Variants in CRAT observed in about 807,000 individuals in gnomAD.
The protein encoded by CRAT is carnitine O-acetyltransferase.
In CRAT, 66 loss-of-function variants were observed where a neutral mutation model predicts 73.7. The observed-to-expected ratio is 0.90, with a 90% CI of 0.73 to 1.10. The LOEUF (loss-of-function observed/expected upper bound fraction) is 1.10, where lower values mean the gene tolerates loss of function less well. Among genes scored for constraint, CRAT ranks in the 50% least tolerant of loss-of-function variants. The probability of loss-of-function intolerance (pLI) is 0.00; values close to 1 mark genes in which losing one functional copy is unlikely to be tolerated. For missense variants in CRAT, 745 were observed against 846.9 expected, an observed-to-expected ratio of 0.88 and a Z score of 1.49; for synonymous variants, 321 against 343.2, an observed-to-expected ratio of 0.94 and a Z score of 0.71.
intron 1 of CRAT, among the ~76,000 whole-genome samples, chr9:129,109,743 G>C (rs1185283637): frequency 6.6e-6 from 1 of 152,170 alleles, no homozygotes; most frequent in African/African-American, 2.4e-5. Flanking sequence ...TGGCCCCGTA[G>C]TGTGTGTCTG....
In CRAT at chr9:129,100,438, G is replaced by A. The variant is rs545911718; in HGVS notation, c.984+73C>T. On this transcript the variant is annotated intron_variant, in intron 7 of 13. Transcript: ENST00000318080. ...AGGCTGGGGACGCAGGGCCGGGGAC[G>A]GGCAGGAAGTCCCGAGGCTGCAGAG... 6.5e-4 allele frequency: 974 copies of A among 1,496,496 alleles called. 13 individuals carry two copies. In the East Asian group the frequency reaches 0.017, roughly 27 times the overall value. The allele number at this position is 1,496,496 out of a possible 1,614,324, so 92.7% of individuals were successfully genotyped here.
At chr9:129,099,565 T>C (rs556598976) in intron 8 of CRAT, among the ~76,000 whole-genome samples, 1 of 151,722 alleles carries the variant, frequency 6.6e-6, no homozygotes, top group South Asian at 2.1e-4. Context: ...TAACTGGGAT[T>C]ATAGGCATGT....
intron 11 of CRAT, chr9:129,097,762 C>T: frequency 1.9e-6 from 1 of 520,196 alleles, no homozygotes; most frequent in Non-Finnish European, 3.4e-6. Flanking sequence ...CTCCTTGGTC[C>T]TCAGCCAGGG....
chr9:129,108,783 C>T (rs1243576718), intron 1 of CRAT: 1 of 1,304,294 alleles, frequency 7.7e-7, no homozygotes, highest in South Asian at 1.2e-5. Context: ...TGCTGCCCGT[C>T]CTCCTCCATG....
In CRAT at chr9:129,100,664, G is replaced by A. The variant is rs1379615691; in HGVS notation, c.831C>T (p.Arg277=). Residue 277 remains arginine, a synonymous_variant, in exon 7 of 14, where the codon CGC becomes CGT. Coordinates refer to ENST00000318080, the MANE Select transcript of CRAT (RefSeq NM_000755.5). ...IKDKVNRDSV[R]SIQKSIFTVC... Reference sequence around the variant, plus strand: ...CGGTGAAGATGCTCTTCTGGATGGAGCGCACGGAATCCCGGTTCACCTTGT... The same window carrying A: ...CGGTGAAGATGCTCTTCTGGATGGAACGCACGGAATCCCGGTTCACCTTGT... 6.2e-7 allele frequency: 1 copy of A among 1,613,856 alleles called. No individual in the cohort carries two copies. Among genetic ancestry groups the A allele is most frequent in the South Asian group, 1.1e-5 (1 of 91,070 alleles).
intron 7 of CRAT, 39 bp downstream of exon 7, chr9:129,100,472 C>G (rs761495641): frequency 6.3e-7 from 1 of 1,589,928 alleles, no homozygotes; most frequent in Non-Finnish European, 8.6e-7. Context: ...AGGTCCTGTT[C>G]AGGTGTGTGT....
At chr9:129,108,868 G>A (rs1248729601) in intron 1 of CRAT, 2 of 1,302,832 alleles carry the variant, frequency 1.5e-6, no homozygotes, top group African/African-American at 3.0e-5. Flanking sequence ...CAAAGTGAGT[G>A]AGCAGAACCT....
chr9:129,104,462 C>G (rs994319986), intron 2 of CRAT, among the ~76,000 whole-genome samples, 156 bp from the exon 3 acceptor site: 2 of 152,188 alleles, frequency 1.3e-5, no homozygotes, highest in Non-Finnish European at 2.9e-5. Flanking sequence ...CTCCCTGCCC[C>G]ACAACTTAAA....
intron 6 of CRAT, among the ~76,000 whole-genome samples, chr9:129,101,461 C>G (rs1024015163): frequency 6.6e-6 from 1 of 152,250 alleles, no homozygotes; most frequent in Non-Finnish European, 1.5e-5. Flanking sequence ...GAGAAAGACA[C>G]TCCTTTGAAA....
chr9:129,105,320 C>A (rs1847950828), intron 2 of CRAT, among the ~76,000 whole-genome samples: 2 of 152,090 alleles, frequency 1.3e-5, no homozygotes, highest in African/African-American at 2.4e-5. Flanking sequence ...AAAACAAAGT[C>A]CAATGAGTGA....
At chr9:129,096,763 T>C (rs1021047791) in intron 12 of CRAT, among the ~76,000 whole-genome samples, 4 of 152,208 alleles carry the variant, frequency 2.6e-5, no homozygotes, top group Admixed American at 1.3e-4. Context: ...GCTGGGTTTC[T>C]CCAACTTTAA....
At position 129,102,329 on chromosome 9, in the gene CRAT, C is replaced by A. The variant is rs1847725726; in HGVS notation, c.630+71G>T. ...GTGCTGGGGAACCCCAGTGGGGAAG[C>A]CGACTGCGGCCGTCCGGCTGTACTC... On this transcript the variant is annotated intron_variant, in intron 5 of 13. Transcript: ENST00000318080. 4.4e-6 allele frequency: 7 copies of A among 1,589,916 alleles called. 1 individual carries two copies. Among genetic ancestry groups the A allele is most frequent in the Middle Eastern group, 1.8e-4 (1 of 5,558 alleles).
Position 129,098,085 on chromosome 9 carries a change from G to A in CRAT, c.1392C>T (p.Arg464=). The A allele has an allele frequency of 1.9e-6, 3 of 1,614,090 alleles. No individual in the cohort carries two copies. Among genetic ancestry groups the A allele is most frequent in the Non-Finnish European group, 1.7e-6 (2 of 1,180,044 alleles). ...TGGAAGCCGAGCGGATGGTGTCGGT[G>A]CGGCCCAGGTGAAACATGCGCAGGG... ...SASLRMFHLG[R]TDTIRSASMD... is the part of the protein sequence containing the mutation. The change falls in exon 11 of 14, where the codon CGC becomes CGT. Residue 464 remains arginine, a synonymous_variant. Coordinates refer to ENST00000318080, the MANE Select transcript of CRAT (RefSeq NM_000755.5).
In CRAT at chr9:129,095,501, T is replaced by C. The variant is rs1847222519; in HGVS notation, c.1777A>G (p.Asn593Asp). The C allele has an allele frequency of 1.9e-6, 3 of 1,613,540 alleles. No individual in the cohort carries two copies. Among genetic ancestry groups the C allele is most frequent in the Admixed American group, 1.7e-5 (1 of 60,018 alleles). The change falls in exon 14 of 14, where the codon AAC becomes GAC. Residue 593 changes from asparagine to aspartate, a missense_variant. Transcript: ENST00000318080. The part of the protein sequence containing the change: ...AHINFSLSAY[N>D]SCAETNAARL... Reference sequence around the variant, plus strand: ...GCGGCGTTGGTCTCCGCGCAGCTGTTGTAGGCCGACAGGGAGAAGTTGATG... The same window carrying C: ...GCGGCGTTGGTCTCCGCGCAGCTGTCGTAGGCCGACAGGGAGAAGTTGATG...
chr9:129,102,491 CAGGAGGACAAGATCTGA>C lies in CRAT; in HGVS notation c.522_538del (p.Tyr174Ter). On this transcript the variant is annotated stop_gained and frameshift_variant, in exon 5 of 14. Transcript: ENST00000318080. LOFTEE classifies it high-confidence loss of function. ...GTCCTGCTTGGGGCCCGGCACTCGGCAGGAGGACAAGATCTGATAGTACTGGTTCATGCACAGTGGCT... is the reference window on the plus strand; with the variant it reads ...GTCCTGCTTGGGGCCCGGCACTCGGCTAGTACTGGTTCATGCACAGTGGCT... The C allele has an allele frequency of 6.2e-7, 1 of 1,614,140 alleles. No homozygotes were observed. The highest frequency in any genetic ancestry group is 1.1e-5 in the South Asian group (1 of 91,086).
rs746169965 is a variant in CRAT at position 129,107,704 on chromosome 9, T to C, written c.291+110A>G. ...TGCCAAGTGCCAGACACAGAGTATG[T>C]GCTCACGAAACTCTGGGCAGCAAAC... is the stretch of plus-strand genomic sequence containing the variant. On this transcript the variant is annotated intron_variant, in intron 2 of 13. Coordinates refer to ENST00000318080, the MANE Select transcript of CRAT (RefSeq NM_000755.5). The surrounding 1 kb of genome is among the most constrained non-coding windows in gnomAD (Gnocchi z 5.0). 1.3e-6 allele frequency: 2 copies of C among 1,488,494 alleles called. No individual in the cohort carries two copies. The highest frequency in any genetic ancestry group is 1.9e-6 in the Non-Finnish European group (2 of 1,077,714). The allele number at this position is 1,488,494 out of a possible 1,614,324, so 92.2% of individuals were successfully genotyped here.
At position 129,095,985 on chromosome 9, in the gene CRAT, G is replaced by A; in HGVS notation, c.1665+13C>T. On this transcript the variant is annotated intron_variant, in intron 13 of 13. Transcript: ENST00000318080. ...TGCCTCCAGCCCCCGGGGCACCTGGGGCAGTGGCCCACCTGGCTGGTGGAG... is the reference window on the plus strand; with the variant it reads ...TGCCTCCAGCCCCCGGGGCACCTGGAGCAGTGGCCCACCTGGCTGGTGGAG... 6.2e-7 allele frequency: 1 copy of A among 1,613,896 alleles called. No individual in the cohort carries two copies. Among genetic ancestry groups the A allele is most frequent in the Non-Finnish European group, 8.5e-7 (1 of 1,180,014 alleles).
chr9:129,104,725 C>A (rs1189020979), intron 2 of CRAT, among the ~76,000 whole-genome samples: 1 of 151,390 alleles, frequency 6.6e-6, no homozygotes, highest in Non-Finnish European at 1.5e-5. Context: ...CTGCCTCAGC[C>A]TCCTGAGTAA....
At chr9:129,100,328 G>C in intron 7 of CRAT, 183 bp downstream of exon 7, 5 of 724,868 alleles carry the variant, frequency 6.9e-6, no homozygotes, top group Non-Finnish European at 1.1e-5. Context: ...CCAGGCCAGA[G>C]GCAGGACTGG....
Sources: allele counts gnomAD v4.1 joint callset (sites outside exome capture counted in the v4.1 genomes callset), GRCh38; gene constraint gnomAD v4.1.1; non-coding constraint Gnocchi (gnomAD v3.1); transcripts MANE v1.5; gene names NCBI Gene and HGNC (gene_info 2026-07-23, HGNC 2026-07-21).